Variants in SLX4IP observed in about 807,000 individuals in gnomAD.
SLX4IP encodes protein SLX4IP.
Under a neutral mutation model 32.9 loss-of-function variants are expected in SLX4IP, and 34 were observed. The observed-to-expected ratio is 1.03, with a 90% CI of 0.79 to 1.38. The LOEUF is 1.38. Among genes scored for constraint, SLX4IP ranks in the 40% most tolerant of loss-of-function variants. The probability of loss-of-function intolerance (pLI) is 0.00; values close to 1 mark genes in which losing one functional copy is unlikely to be tolerated. For missense variants in SLX4IP, 444 were observed against 479.0 expected, an observed-to-expected ratio of 0.93 and a Z score of 0.68; for synonymous variants, 172 against 171.7, an observed-to-expected ratio of 1.00 and a Z score of -0.01.
intron 4 of SLX4IP, among the ~76,000 whole-genome samples, chr20:10,582,086 G>A (rs997546913): frequency 6.6e-6 from 1 of 152,152 alleles, no homozygotes; most frequent in Non-Finnish European, 1.5e-5. Flanking sequence ...CCCAGGGAAT[G>A]GTGAATTCTC....
intron 4 of SLX4IP, among the ~76,000 whole-genome samples, chr20:10,574,610 A>C (rs1290651988): frequency 2.0e-5 from 3 of 152,156 alleles, no homozygotes; most frequent in African/African-American, 7.2e-5. Context: ...TGGAAAGCTC[A>C]CAACAGCTCT....
intron 2 of SLX4IP, among the ~76,000 whole-genome samples, chr20:10,475,074 A>G (rs1353581815): frequency 6.6e-6 from 1 of 152,204 alleles, no homozygotes; most frequent in Non-Finnish European, 1.5e-5. Context: ...TGCCAAGGCT[A>G]AGCCAGGATC....
chr20:10,505,490 C>T (rs990643617), intron 2 of SLX4IP, among the ~76,000 whole-genome samples: 6 of 152,230 alleles, frequency 3.9e-5, no homozygotes, highest in African/African-American at 1.2e-4. Flanking sequence ...CTTAGGGCCC[C>T]TCCTCTGGTG....
chr20:10,471,093 G>T (rs1348093767), intron 2 of SLX4IP, among the ~76,000 whole-genome samples: 1 of 152,164 alleles, frequency 6.6e-6, no homozygotes, highest in Admixed American at 6.5e-5. Flanking sequence ...GTGAAAGTGG[G>T]AAAATAACAT....
intron 2 of SLX4IP, among the ~76,000 whole-genome samples, chr20:10,502,272 G>T (rs1057136111): frequency 6.6e-6 from 1 of 152,166 alleles, no homozygotes; most frequent in African/African-American, 2.4e-5. Context: ...AGGCCCATGT[G>T]TTTCTGCACT....
chr20:10,582,650 C>T (rs777965628), intron 4 of SLX4IP, among the ~76,000 whole-genome samples: 5 of 151,938 alleles, frequency 3.3e-5, no homozygotes, highest in Non-Finnish European at 7.4e-5. Flanking sequence ...AGTTATTGTT[C>T]GTATTTTACA....
intron 2 of SLX4IP, among the ~76,000 whole-genome samples, chr20:10,467,589 T>A (rs1342448401): frequency 2.0e-5 from 3 of 152,234 alleles, no homozygotes; most frequent in African/African-American, 7.2e-5. Flanking sequence ...TGCAGAGTGG[T>A]TGATGCTATG....
intron 2 of SLX4IP, among the ~76,000 whole-genome samples, chr20:10,468,176 A>T (rs2122357850): frequency 6.6e-6 from 1 of 152,262 alleles, no homozygotes; most frequent in Non-Finnish European, 1.5e-5. Context: ...TTGCCAAATG[A>T]TGTCTCGTCC....
chr20:10,469,976 T>C (rs141267419), intron 2 of SLX4IP, among the ~76,000 whole-genome samples: 4 of 152,286 alleles, frequency 2.6e-5, no homozygotes, highest in Non-Finnish European at 5.9e-5. Context: ...CTATCCAAAG[T>C]GGCCCCAGGG....
intron 4 of SLX4IP, among the ~76,000 whole-genome samples, chr20:10,595,730 C>G (rs1047205370): frequency 1.3e-5 from 2 of 152,198 alleles, no homozygotes; most frequent in African/African-American, 4.8e-5. Context: ...ATAATTTTCT[C>G]TGTTTATAGA....
chr20:10,527,249 A>G (rs986047040), intron 2 of SLX4IP, among the ~76,000 whole-genome samples: 2 of 152,198 alleles, frequency 1.3e-5, no homozygotes, highest in African/African-American at 4.8e-5. Context: ...CAGCTCGCCC[A>G]TGAGGGTCCT....
At chr20:10,550,321 T>A (rs1303081657) in intron 2 of SLX4IP, among the ~76,000 whole-genome samples, 1 of 152,190 alleles carries the variant, frequency 6.6e-6, no homozygotes, top group Admixed American at 6.5e-5. Flanking sequence ...CAATGACGAT[T>A]TGTGTGGCTT....
intron 5 of SLX4IP, among the ~76,000 whole-genome samples, chr20:10,598,991 T>C (rs1003258485): frequency 6.6e-6 from 1 of 152,218 alleles, no homozygotes; most frequent in Non-Finnish European, 1.5e-5. Context: ...AGCACTTTCT[T>C]TGAGTTTTCA....
intron 2 of SLX4IP, among the ~76,000 whole-genome samples, chr20:10,499,173 T>C (rs1843865613): frequency 6.6e-6 from 1 of 152,194 alleles, no homozygotes; most frequent in South Asian, 2.1e-4. Context: ...TTTAATTCTT[T>C]ATGTTATATA....
rs77095969 is a variant in SLX4IP at position 10,506,470 on chromosome 20, C to T, written c.27+48239C>T. ...GTCAAATCCTTTTCTACATGCTAGG[C>T]ATGTGAATTTAACAAGACAGACAGG... On this transcript the variant is annotated intron_variant, in intron 2 of 7. Transcript: ENST00000334534. Among the ~76,000 whole-genome samples, 286 of 152,266 alleles carry T rather than the reference C, an allele frequency of 1.9e-3. 5 individuals are homozygous for T. The East Asian group carries it at 0.04, about 21-fold the overall frequency.
chr20:10,574,624 A>G (rs1019826581), intron 4 of SLX4IP, among the ~76,000 whole-genome samples: 1 of 152,060 alleles, frequency 6.6e-6, no homozygotes, highest in Non-Finnish European at 1.5e-5. Context: ...CAGCTCTACC[A>G]AATACCCCAG....
intron 2 of SLX4IP, among the ~76,000 whole-genome samples, chr20:10,518,545 C>T (rs201793395): frequency 5.9e-5 from 3 of 50,754 alleles, no homozygotes; most frequent in Admixed American, 2.1e-4. Flanking sequence ...TTCCTTCCTT[C>T]CTTCCTTTCC....
intron 4 of SLX4IP, among the ~76,000 whole-genome samples, chr20:10,594,451 G>C (rs1378951272): frequency 6.6e-6 from 1 of 152,184 alleles, no homozygotes; most frequent in Non-Finnish European, 1.5e-5. Context: ...CGTAATAGCT[G>C]TGGGAGAGGA....
At chr20:10,593,363 G>A (rs1386290057) in intron 4 of SLX4IP, among the ~76,000 whole-genome samples, 1 of 151,954 alleles carries the variant, frequency 6.6e-6, no homozygotes, top group Non-Finnish European at 1.5e-5. Context: ...AGTTAAAGGA[G>A]AAGTCAAAAT....
Sources: allele counts gnomAD v4.1 joint callset (sites outside exome capture counted in the v4.1 genomes callset), GRCh38; gene constraint gnomAD v4.1.1; transcripts MANE v1.5; gene names NCBI Gene and HGNC (gene_info 2026-07-23, HGNC 2026-07-21).